CERT1: variants seen among roughly 807,000 people sequenced by gnomAD.
The protein encoded by CERT1 is ceramide transfer protein.
Under a neutral mutation model 87.9 loss-of-function variants are expected in CERT1, and 31 were observed. The observed-to-expected ratio is 0.35, with a 90% CI of 0.27 to 0.48. The LOEUF (loss-of-function observed/expected upper bound fraction) is 0.48. CERT1 is among the 20% of genes least tolerant of loss of function. CERT1 has a pLI of 0.99. For synonymous variants in CERT1, 289 were observed against 250.9 expected (o/e 1.15, Z -1.44); for missense variants, 487 against 758.0 (o/e 0.64, Z 4.20).
At chr5:75,447,964 C>T (rs1320450644) in intron 3 of CERT1, among the ~76,000 whole-genome samples, 1 of 152,094 alleles carries the variant, frequency 6.6e-6, no homozygotes, top group Non-Finnish European at 1.5e-5. Flanking sequence ...TTATAATTAA[C>T]AAATATTACT....
In CERT1 at chr5:75,484,216, A is replaced by G. The variant is rs149683013; in HGVS notation, c.231+21766T>C. On this transcript the variant is annotated intron_variant, in intron 2 of 16. Coordinates refer to ENST00000643780, the MANE Select transcript of CERT1 (RefSeq NM_001379029.1). ...AAAGCCTCATGGTAACATCGAATCT[A>G]CAACAGACAACAGACAAAACCTGCA... Among the ~76,000 whole-genome samples, 317 of 152,104 alleles carry G rather than the reference A, an allele frequency of 2.1e-3. 1 individual carries two copies. In the East Asian group the frequency reaches 0.028, roughly 13 times the overall value.
chr5:75,426,990 A>C (rs549946912), intron 3 of CERT1, among the ~76,000 whole-genome samples: 2 of 152,170 alleles, frequency 1.3e-5, no homozygotes, highest in African/African-American at 4.8e-5. Flanking sequence ...ACCATTCACA[A>C]TAGTTTGTGT....
In CERT1 at chr5:75,495,652, T is replaced by C. The variant is rs151060166; in HGVS notation, c.231+10330A>G. ...CCAGCTTCCCTGGTGAATGCACTAC[T>C]TAACGAGTTGTCAGCAAGTTTTAAA... On this transcript the variant is annotated intron_variant, in intron 2 of 16. Transcript: ENST00000643780. Among the ~76,000 whole-genome samples the C allele has an allele frequency of 2.1e-4, 32 of 152,234 alleles. No individual in the cohort carries two copies. The East Asian group carries it at 5.6e-3, about 27-fold the overall frequency.
At chr5:75,499,870 C>G (rs1440828956) in intron 2 of CERT1, among the ~76,000 whole-genome samples, 1 of 152,086 alleles carries the variant, frequency 6.6e-6, no homozygotes. Context: ...TTGAACTGTG[C>G]CCCCCTCAAA....
chr5:75,451,997 A>G (rs1035011357), intron 3 of CERT1, among the ~76,000 whole-genome samples: 2 of 152,278 alleles, frequency 1.3e-5, no homozygotes, highest in Admixed American at 1.3e-4. Context: ...TTCACACTTC[A>G]TTTTATTTCA....
chr5:75,492,677 ATTG>A (rs541053859), intron 2 of CERT1, among the ~76,000 whole-genome samples: 431 of 152,268 alleles, frequency 2.8e-3, no homozygotes, highest in Admixed American at 4.5e-3. Context: ...TTTTACATCG[ATTG>A]TTGAGATTGT....
intron 3 of CERT1, among the ~76,000 whole-genome samples, chr5:75,449,714 T>A (rs1418593802): frequency 6.6e-6 from 1 of 152,120 alleles, no homozygotes; most frequent in Non-Finnish European, 1.5e-5. Flanking sequence ...GGTGTTTTTT[T>A]TTTTAAAGCC....
chr5:75,412,390 C>A (rs568753940), intron 7 of CERT1, among the ~76,000 whole-genome samples: 1 of 152,160 alleles, frequency 6.6e-6, no homozygotes, highest in South Asian at 2.1e-4. Flanking sequence ...CCCCTTATTC[C>A]CAAAAAAACA....
intron 2 of CERT1, among the ~76,000 whole-genome samples, chr5:75,488,416 C>A (rs1032330202): frequency 1.3e-5 from 2 of 151,628 alleles, no homozygotes; most frequent in African/African-American, 4.8e-5. Flanking sequence ...TTGTTTCTTC[C>A]AAAAAAGATT....
At chr5:75,387,637 G>C (rs1203453056) in intron 12 of CERT1, among the ~76,000 whole-genome samples, 1 of 151,750 alleles carries the variant, frequency 6.6e-6, no homozygotes, top group African/African-American at 2.4e-5. Context: ...AGCTACCTGG[G>C]AGGCTGAGGC....
chr5:75,439,373 T>A (rs1764224018), intron 3 of CERT1, among the ~76,000 whole-genome samples: 1 of 149,052 alleles, frequency 6.7e-6, no homozygotes, highest in Non-Finnish European at 1.5e-5. Flanking sequence ...AGGTTGGCTT[T>A]AAAAAAAAAA....
At chr5:75,404,528 T>C (rs760384884) in intron 8 of CERT1, among the ~76,000 whole-genome samples, 1 of 152,184 alleles carries the variant, frequency 6.6e-6, no homozygotes, top group African/African-American at 2.4e-5. Flanking sequence ...TTGCTCTCTG[T>C]TGATCAGAGA....
chr5:75,389,644 T>G lies in CERT1; in HGVS notation c.1232A>C (p.Asp411Ala). The G allele has an allele frequency of 3.1e-6, 5 of 1,614,118 alleles. No individual in the cohort carries two copies. Among genetic ancestry groups the G allele is most frequent in the Non-Finnish European group, 4.2e-6 (5 of 1,179,996 alleles). Residue 411 changes from aspartate (D) to alanine (A), a missense_variant, in exon 12 of 17, where the codon GAT becomes GCT. This residue lies in a region of CERT1 where 147 missense variants were observed against 200.8 expected (regional missense o/e 0.73). Coordinates refer to ENST00000643780, the MANE Select transcript of CERT1 (RefSeq NM_001379029.1). ...CTGCCAATTGGCATCTCCGCCTACA[T>G]CCTGTAATGAGTAAGTCATGTGGTT... ...VQNHMTYSLQ[D>A]VGGDANWQLV...
chr5:75,382,625 G>C (rs1761630905), intron 14 of CERT1, among the ~76,000 whole-genome samples: 1 of 151,514 alleles, frequency 6.6e-6, no homozygotes, highest in African/African-American at 2.4e-5. Flanking sequence ...ATGGAGCCTA[G>C]GTCTTCAATA....
intron 2 of CERT1, among the ~76,000 whole-genome samples, chr5:75,468,430 C>T (rs2112344818): frequency 6.6e-6 from 1 of 152,228 alleles, no homozygotes; most frequent in African/African-American, 2.4e-5. Context: ...AATACTGGGC[C>T]TGCCACAGTA....
chr5:75,409,718 G>C (rs952253078), intron 8 of CERT1, among the ~76,000 whole-genome samples: 1 of 151,904 alleles, frequency 6.6e-6, no homozygotes, highest in East Asian at 1.9e-4. Context: ...TAGTAGAGAC[G>C]GGGTTTCACC....
At chr5:75,414,899 G>A (rs1284202570) in intron 7 of CERT1, among the ~76,000 whole-genome samples, 1 of 152,012 alleles carries the variant, frequency 6.6e-6, no homozygotes, top group Non-Finnish European at 1.5e-5. Context: ...GCACACACCT[G>A]AATGAAACAA....
At chr5:75,411,836 G>C (rs1762945270) in intron 7 of CERT1, among the ~76,000 whole-genome samples, 1 of 152,148 alleles carries the variant, frequency 6.6e-6, no homozygotes, top group Non-Finnish European at 1.5e-5. Context: ...AGTAATACCA[G>C]AAAAGAACTC....
At chr5:75,497,522 T>C (rs2112448081) in intron 2 of CERT1, among the ~76,000 whole-genome samples, 1 of 152,208 alleles carries the variant, frequency 6.6e-6, no homozygotes, top group Non-Finnish European at 1.5e-5. Context: ...TCATTTTGAA[T>C]TGGAGTTCCC....
Sources: allele counts gnomAD v4.1 joint callset (sites outside exome capture counted in the v4.1 genomes callset), GRCh38; gene constraint gnomAD v4.1.1; regional missense constraint gnomAD v4.1.1; transcripts MANE v1.5; gene names NCBI Gene and HGNC (gene_info 2026-07-23, HGNC 2026-07-21).